BABAM1: variants seen among roughly 807,000 people sequenced by gnomAD.
The protein encoded by BABAM1 is BRISC and BRCA1-A complex member 1.
In BABAM1, 14 loss-of-function variants were observed where a neutral mutation model predicts 34.4. The ratio of observed to expected loss-of-function variants is 0.41; its 90% CI spans 0.27 to 0.64. The LOEUF (loss-of-function observed/expected upper bound fraction) is 0.64. BABAM1 is among the 30% of genes least tolerant of loss of function. The probability of loss-of-function intolerance (pLI) is 0.34; values close to 1 mark genes in which losing one functional copy is unlikely to be tolerated. For missense variants in BABAM1, 393 were observed against 434.0 expected (o/e 0.91, Z 0.84); for synonymous variants, 169 against 165.8 (o/e 1.02, Z -0.15).
At position 17,274,004 on chromosome 19, in the gene BABAM1, G is replaced by T; in HGVS notation, c.445G>T (p.Val149Leu). The part of the protein sequence containing the change: ...DKSHEFALVV[V>L]NDDTAWLSGL... ...AAGCCACGAGTTTGCACTGGTGGTG[G>T]TGAACGATGACACGGCCTGGGTGAG... is the stretch of plus-strand genomic sequence containing the variant. The change falls in exon 4 of 9, where the codon GTG becomes TTG. Residue 149 changes from valine (V) to leucine (L), a missense_variant. By Grantham distance (32) the Val-to-Leu change is conservative. Transcript: ENST00000598188. 6.2e-7 allele frequency: 1 copy of T among 1,613,996 alleles called. No individual in the cohort carries two copies. Among genetic ancestry groups the T allele is most frequent in the South Asian group, 1.1e-5 (1 of 91,082 alleles).
intron 2 of BABAM1, 105 bp from the exon 3 acceptor site, chr19:17,271,492 A>G: frequency 7.8e-7 from 1 of 1,282,392 alleles, no homozygotes; most frequent in Non-Finnish European, 1.1e-6. Flanking sequence ...ATTAGAGGTC[A>G]CCATACTGCC....
rs373133536 is a variant in BABAM1 at position 17,274,133 on chromosome 19, C to G, written c.492C>G (p.Arg164=). 1.9e-6 allele frequency: 3 copies of G among 1,613,558 alleles called. No individual in the cohort carries two copies. Among genetic ancestry groups the G allele is most frequent in the Non-Finnish European group, 2.5e-6 (3 of 1,179,904 alleles). ...AWLSGLTSDP[R]ELCSCLYDLE... is the part of the protein sequence containing the mutation. Reference sequence around the variant, plus strand: ...TGTCTGGCCTGACCTCCGACCCCCGCGAGCTCTGTAGCTGCCTCTATGATC... The same window carrying G: ...TGTCTGGCCTGACCTCCGACCCCCGGGAGCTCTGTAGCTGCCTCTATGATC... Residue 164 remains arginine (R), a synonymous_variant, in exon 5 of 9, where the codon CGC becomes CGG. Transcript: ENST00000598188.
At chr19:17,275,747 C>T in intron 5 of BABAM1, 54 bp from the exon 6 acceptor site, 1 of 1,612,416 alleles carries the variant, frequency 6.2e-7, no homozygotes. Context: ...GGGGAAGCCA[C>T]CTGTTTCCCG....
At position 17,276,560 on chromosome 19, in the gene BABAM1, G is replaced by A. The variant is rs201681717; in HGVS notation, c.635G>A (p.Arg212His). 27 of 1,605,068 alleles carry A rather than the reference G, an allele frequency of 1.7e-5. No homozygotes were observed. The highest frequency in any genetic ancestry group is 6.8e-5 in the Admixed American group (4 of 58,858). ...VQTIPPPYVV[R>H]TILVYSRPPC... ...ACGATTCCCCCGCCATATGTGGTCCGCACCATCCTTGTCTACAGCCGTCCA... is the reference window on the plus strand; with the variant it reads ...ACGATTCCCCCGCCATATGTGGTCCACACCATCCTTGTCTACAGCCGTCCA... The change falls in exon 7 of 9, where the codon CGC (arginine) becomes CAC (histidine). Residue 212 changes from arginine (R) to histidine (H), a missense_variant. Coordinates refer to ENST00000598188, the MANE Select transcript of BABAM1 (RefSeq NM_014173.4).
chr19:17,278,173 C>CA (rs954552244), intron 8 of BABAM1, among the ~76,000 whole-genome samples: 26 of 148,446 alleles, frequency 1.8e-4, no homozygotes, highest in African/African-American at 4.9e-4. Flanking sequence ...AACCCTGTCT[C>CA]AAAAAAAAAA....
At chr19:17,267,594 C>T (rs1282573446) in intron 1 of BABAM1, 67 bp downstream of exon 1, 4 of 152,278 alleles carry the variant, frequency 2.6e-5, no homozygotes, top group Non-Finnish European at 5.9e-5. Flanking sequence ...AGAGATCCAG[C>T]TCCTCGCCTT....
At position 17,271,648 on chromosome 19, in the gene BABAM1, T is replaced by A. The variant is rs774821723; in HGVS notation, c.337T>A (p.Phe113Ile). 5 of 1,613,740 alleles carry A rather than the reference T, an allele frequency of 3.1e-6. No individual in the cohort carries two copies. Among genetic ancestry groups the A allele is most frequent in the Non-Finnish European group, 4.2e-6 (5 of 1,179,786 alleles). ...AATGTCACTGCCAAAGCTGGAGTCG[T>A]TCAACGGGTAAGAGGGACATTTTAG... ...EEMSLPKLESFNGSKTNALNV... is the reference protein window; with the variant it reads ...EEMSLPKLESINGSKTNALNV... Residue 113 changes from phenylalanine to isoleucine, a missense_variant, in exon 3 of 9, where the codon TTC (phenylalanine) becomes ATC (isoleucine). Transcript: ENST00000598188.
At chr19:17,271,482 A>T (rs1200525784) in intron 2 of BABAM1, 115 bp from the exon 3 acceptor site, 1 of 1,168,700 alleles carries the variant, frequency 8.6e-7, no homozygotes, top group Non-Finnish European at 1.2e-6. Flanking sequence ...TTGGCTGAGG[A>T]TTAGAGGTCA....
chr19:17,275,795 C>T lies in BABAM1; in HGVS notation c.545-6C>T. 1 of 1,613,876 alleles carries T rather than the reference C, an allele frequency of 6.2e-7. No individual in the cohort carries two copies. The highest frequency in any genetic ancestry group is 1.3e-5 in the African/African-American group (1 of 75,052). On this transcript the variant is annotated splice_polypyrimidine_tract_variant and splice_region_variant and intron_variant, in intron 5 of 8. Transcript: ENST00000598188. ...CTACTAGCCTTCTCCTTAGCACCCC[C>T]ACCAGATCTGGAAGGACTTTTCAGC...
intron 3 of BABAM1, among the ~76,000 whole-genome samples, chr19:17,272,756 T>C (rs117304397): frequency 0.049 from 7,475 of 151,756 alleles, 275 homozygotes; most frequent in Non-Finnish European, 0.071. Flanking sequence ...TGGTGGCTCA[T>C]ACCTGTAATC....
intron 3 of BABAM1, among the ~76,000 whole-genome samples, chr19:17,272,697 C>G (rs1033011531): frequency 6.6e-6 from 1 of 151,672 alleles, no homozygotes; most frequent in African/African-American, 2.4e-5. Context: ...TGAGCCACCG[C>G]GCCCAGCCGA....
chr19:17,268,566 AT>A, intron 1 of BABAM1: 1 of 400,954 alleles, frequency 2.5e-6, no homozygotes, highest in Non-Finnish European at 4.5e-6. Flanking sequence ...AGTAGCTGGG[AT>A]TATCCGCATG....
chr19:17,270,003 T>C (rs895499768), intron 2 of BABAM1, among the ~76,000 whole-genome samples: 2 of 151,568 alleles, frequency 1.3e-5, no homozygotes, highest in African/African-American at 4.9e-5. Context: ...CTATCTCGGC[T>C]CACTGCAAGC....
chr19:17,271,449 C>A (rs1481042440), intron 2 of BABAM1, 148 bp from the exon 3 acceptor site: 1 of 765,944 alleles, frequency 1.3e-6, no homozygotes, highest in Non-Finnish European at 2.1e-6. Context: ...TCTTCTAAGC[C>A]ATTGCTTTTC....
At chr19:17,273,545 G>A (rs2073866717) in intron 3 of BABAM1, among the ~76,000 whole-genome samples, 2 of 35,160 alleles carry the variant, frequency 5.7e-5, no homozygotes, top group South Asian at 1.3e-3. Context: ...GCTGAAGGAA[G>A]TTTTTTTTTG....
chr19:17,278,786 G>T, intron 8 of BABAM1, 59 bp from the exon 9 acceptor site: 1 of 1,502,522 alleles, frequency 6.7e-7, no homozygotes, highest in Non-Finnish European at 9.1e-7. Flanking sequence ...GGATATGAAG[G>T]GCCTGTTGGG....
At chr19:17,275,542 G>T (rs2073898430) in intron 5 of BABAM1, among the ~76,000 whole-genome samples, 1 of 151,034 alleles carries the variant, frequency 6.6e-6, no homozygotes, top group Non-Finnish European at 1.5e-5. Context: ...CACCCGCCTT[G>T]GCCTCCCAAA....
intron 3 of BABAM1, among the ~76,000 whole-genome samples, chr19:17,272,089 C>T (rs1285845576): frequency 6.6e-6 from 1 of 152,058 alleles, no homozygotes; most frequent in Admixed American, 6.6e-5. Flanking sequence ...TATAGGCATG[C>T]ACCACCATGC....
At chr19:17,271,535 G>A in intron 2 of BABAM1, 62 bp from the exon 3 acceptor site, 1 of 1,564,614 alleles carries the variant, frequency 6.4e-7, no homozygotes, top group Admixed American at 1.7e-5. Context: ...GAGGGCCAGT[G>A]AGTGGTGTGG....
Sources: allele counts gnomAD v4.1 joint callset (sites outside exome capture counted in the v4.1 genomes callset), GRCh38; gene constraint gnomAD v4.1.1; transcripts MANE v1.5; gene names NCBI Gene and HGNC (gene_info 2026-07-23, HGNC 2026-07-21).